Variants in UBE2E2 observed in about 807,000 individuals in gnomAD.
UBE2E2 encodes the protein ubiquitin-conjugating enzyme E2 E2.
Under a neutral mutation model 24.7 loss-of-function variants are expected in UBE2E2, and 6 were observed. That is an observed-to-expected ratio of 0.24 (90% confidence interval 0.13 to 0.48). UBE2E2 has a LOEUF of 0.48. Ranked by LOEUF, UBE2E2 falls within the 20% of genes least tolerant of loss-of-function variation. The pLI, the probability that UBE2E2 is intolerant of heterozygous loss-of-function variation, is 0.99. For synonymous variants in UBE2E2, 104 were observed against 83.6 expected (o/e 1.24, Z -1.33); for missense variants, 169 against 245.0 (o/e 0.69, Z 2.07).
chr3:23,525,344 G>A (rs2125479026), intron 4 of UBE2E2, among the ~76,000 whole-genome samples: 1 of 152,216 alleles, frequency 6.6e-6, no homozygotes, highest in African/African-American at 2.4e-5. Flanking sequence ...TCCATCTACT[G>A]CACATGTGTA....
At chr3:23,261,426 C>A (rs780580131) in intron 3 of UBE2E2, among the ~76,000 whole-genome samples, 16 of 152,000 alleles carry the variant, frequency 1.1e-4, no homozygotes, top group Non-Finnish European at 2.2e-4. Flanking sequence ...TTAGCTAACA[C>A]GTGTATCACC....
chr3:23,226,034 C>G (rs1316207607), intron 3 of UBE2E2, among the ~76,000 whole-genome samples: 2 of 152,104 alleles, frequency 1.3e-5, no homozygotes, highest in Non-Finnish European at 2.9e-5. Context: ...CGCATGCCAC[C>G]ATGCATGGCT....
At chr3:23,444,949 A>G (rs555643634) in intron 3 of UBE2E2, among the ~76,000 whole-genome samples, 1 of 152,314 alleles carries the variant, frequency 6.6e-6, no homozygotes, top group East Asian at 1.9e-4. Context: ...CAGATTAGGT[A>G]TTAATTCTGT....
In UBE2E2 at chr3:23,396,695, GATA is replaced by G. The variant is rs568191654; in HGVS notation, c.228-102906_228-102904del. Among the ~76,000 whole-genome samples the G allele has an allele frequency of 1.6e-4, 25 of 152,094 alleles. 1 individual carries two copies. In the South Asian group the frequency reaches 5.0e-3, roughly 30 times the overall value. On this transcript the variant is annotated intron_variant, in intron 3 of 5. Transcript: ENST00000396703. The stretch of plus-strand genomic sequence containing the variant: ...TCTCTCTGTTTCTTTATAAAATGGA[GATA>G]ATAATAGTAACTTCTTCATAGGAGT...
At chr3:23,554,374 G>T (rs1468362568) in intron 5 of UBE2E2, among the ~76,000 whole-genome samples, 2 of 152,142 alleles carry the variant, frequency 1.3e-5, no homozygotes, top group African/African-American at 4.8e-5. Context: ...ATTGAGCCAG[G>T]CACAGTGGCT....
chr3:23,400,252 C>A (rs1293573845), intron 3 of UBE2E2, among the ~76,000 whole-genome samples: 1 of 152,170 alleles, frequency 6.6e-6, no homozygotes, highest in African/African-American at 2.4e-5. Flanking sequence ...TTCCTACAGA[C>A]TAGAATTCTT....
intron 3 of UBE2E2, among the ~76,000 whole-genome samples, chr3:23,282,866 T>G (rs1380372380): frequency 6.6e-6 from 1 of 151,902 alleles, no homozygotes; most frequent in East Asian, 1.9e-4. Context: ...CTAGGTTAAT[T>G]TGTAGAGAAA....
rs183590587 is a variant in UBE2E2 at position 23,214,682 on chromosome 3, T to G, written c.177-2580T>G. Among the ~76,000 whole-genome samples the G allele has an allele frequency of 1.4e-3, 209 of 152,258 alleles. 1 individual carries two copies. The highest frequency in any genetic ancestry group is 0.01 in the Middle Eastern group (3 of 294). ...TGTTAAAAATAGTTTTCTTTGACAG[T>G]TTAAGCATGCTTTTTAGAATGCCTA... On this transcript the variant is annotated intron_variant, in intron 2 of 5. Coordinates refer to ENST00000396703, the MANE Select transcript of UBE2E2 (RefSeq NM_152653.4).
chr3:23,381,393 A>G (rs1254157797), intron 3 of UBE2E2, among the ~76,000 whole-genome samples: 1 of 144,730 alleles, frequency 6.9e-6, no homozygotes, highest in African/African-American at 2.6e-5. Flanking sequence ...GAAGAAAAAA[A>G]TGTCATTTGA....
At position 23,560,829 on chromosome 3, in the gene UBE2E2, AT is replaced by A. The variant is rs1185170241; in HGVS notation, c.508+28135del. Among the ~76,000 whole-genome samples the A allele has an allele frequency of 2.6e-5, 4 of 151,856 alleles. No individual in the cohort carries two copies. In the East Asian group the frequency reaches 5.8e-4, roughly 22 times the overall value. On this transcript the variant is annotated intron_variant, in intron 5 of 5. Coordinates refer to ENST00000396703, the MANE Select transcript of UBE2E2 (RefSeq NM_152653.4). ...TCTCTGATGGCCAGTGATGATGAGC[AT>A]TTTTTTCATGTGTCTGTTGGCTGCA...
intron 3 of UBE2E2, among the ~76,000 whole-genome samples, chr3:23,282,106 T>C (rs1207634229): frequency 6.6e-6 from 1 of 152,244 alleles, no homozygotes; most frequent in Non-Finnish European, 1.5e-5. Flanking sequence ...ATCTCCGTCT[T>C]ATTCCAAAGC....
intron 5 of UBE2E2, among the ~76,000 whole-genome samples, chr3:23,540,401 T>TTTGC (rs556652303): frequency 1.5e-3 from 233 of 151,072 alleles, no homozygotes; most frequent in African/African-American, 5.5e-3. Flanking sequence ...TGTTTGTTTG[T>TTTGC]TTGTTTGTTT....
At chr3:23,345,202 A>G (rs912387549) in intron 3 of UBE2E2, among the ~76,000 whole-genome samples, 5 of 152,230 alleles carry the variant, frequency 3.3e-5, no homozygotes, top group African/African-American at 1.2e-4. Context: ...TAAGCTGAGT[A>G]TAACTATTAT....
chr3:23,273,870 G>A (rs1698314845), intron 3 of UBE2E2: 1 of 152,398 alleles, frequency 6.6e-6, no homozygotes, highest in South Asian at 2.1e-4. Flanking sequence ...AGATTTCTTT[G>A]TTCCTTTTCT....
intron 4 of UBE2E2, among the ~76,000 whole-genome samples, chr3:23,514,330 T>C (rs1694678513): frequency 6.6e-6 from 1 of 152,224 alleles, no homozygotes. Context: ...AAAGACCTTA[T>C]GTGCCTTACA....
chr3:23,224,156 G>GTTTTTTTTTTT (rs531661466), intron 3 of UBE2E2, among the ~76,000 whole-genome samples: 115 of 93,684 alleles, frequency 1.2e-3, no homozygotes, highest in African/African-American at 1.5e-3. Flanking sequence ...TAAATTTTAG[G>GTTTTTTTTTTT]TTTTTTTTTT....
chr3:23,353,604 A>C (rs1046559176), intron 3 of UBE2E2, among the ~76,000 whole-genome samples: 3 of 152,206 alleles, frequency 2.0e-5, no homozygotes, highest in African/African-American at 4.8e-5. Context: ...AGACAAACAG[A>C]GAGCCAAATC....
chr3:23,565,558 G>C (rs551293819), intron 5 of UBE2E2, among the ~76,000 whole-genome samples: 12 of 146,084 alleles, frequency 8.2e-5, no homozygotes, highest in Non-Finnish European at 1.8e-4. Context: ...GGGCTTGTTA[G>C]ACGTAATCAA....
intron 3 of UBE2E2, among the ~76,000 whole-genome samples, chr3:23,252,181 A>G (rs924315225): frequency 6.6e-6 from 1 of 152,354 alleles, no homozygotes; most frequent in Non-Finnish European, 1.5e-5. Flanking sequence ...GTGTATACAT[A>G]CATATTTTCC....
Sources: gnomAD v4.1 joint callset for allele counts (sites outside exome capture counted in the v4.1 genomes callset) on GRCh38, gnomAD v4.1.1 for gene constraint, MANE v1.5 for transcripts, NCBI Gene and HGNC (gene_info 2026-07-23, HGNC 2026-07-21) for gene names.